Variants in SMC4 observed in about 807,000 individuals in gnomAD.
SMC4 encodes the protein structural maintenance of chromosomes 4, also known as structural maintenance of chromosomes protein 4.
In SMC4, 87 loss-of-function variants were observed where a neutral mutation model predicts 145.6. That is an observed-to-expected ratio of 0.60 (90% CI 0.50 to 0.71). The LOEUF is 0.71. Among genes scored for constraint, SMC4 ranks in the 30% least tolerant of loss-of-function variants. The pLI, the probability that SMC4 is intolerant of heterozygous loss-of-function variation, is 0.00. For missense variants in SMC4, 1,447 were observed against 1,537.1 expected, an observed-to-expected ratio of 0.94 and a Z score of 0.98; for synonymous variants, 558 against 500.7, an observed-to-expected ratio of 1.11 and a Z score of -1.53.
At chr3:160,411,421 G>T (rs994969690) in intron 5 of SMC4, among the ~76,000 whole-genome samples, 11 of 152,170 alleles carry the variant, frequency 7.2e-5, no homozygotes, top group Admixed American at 4.6e-4. Context: ...TGTTTGTAGA[G>T]AAAGTTGGTA....
chr3:160,413,654 TG>T (rs1553772235), intron 8 of SMC4, 41 bp downstream of exon 8: 6 of 1,057,368 alleles, frequency 5.7e-6, no homozygotes, highest in Non-Finnish European at 8.1e-6. Flanking sequence ...TTTAGATAAT[TG>T]TATTACATGT....
intron 21 of SMC4, 41 bp from the exon 22 acceptor site, chr3:160,432,242 A>G: frequency 7.2e-7 from 1 of 1,384,516 alleles, no homozygotes; most frequent in Non-Finnish European, 1.0e-6. Context: ...ATCATATCAA[A>G]TTTATCTGAA....
chr3:160,424,535 G>A (rs1456183270), intron 15 of SMC4, among the ~76,000 whole-genome samples: 7 of 152,146 alleles, frequency 4.6e-5, no homozygotes, highest in Non-Finnish European at 7.3e-5. Flanking sequence ...TAGGCTGGGC[G>A]CGGTGGCTCA....
intron 5 of SMC4, 100 bp downstream of exon 5, chr3:160,404,604 C>A: frequency 9.8e-7 from 1 of 1,023,970 alleles, no homozygotes; most frequent in Non-Finnish European, 1.6e-6. Context: ...CCTTAAAGTA[C>A]TGTAGCAGCA....
At chr3:160,416,229 A>G (rs560944354) in intron 9 of SMC4, 22 bp from the exon 10 acceptor site, 4 of 1,546,282 alleles carry the variant, frequency 2.6e-6, no homozygotes, top group East Asian at 2.3e-5. Flanking sequence ...GTATGCTCCT[A>G]TAACTTGTTT....
chr3:160,403,553 T>A (rs906653126), intron 4 of SMC4, among the ~76,000 whole-genome samples: 2 of 152,134 alleles, frequency 1.3e-5, no homozygotes, highest in Non-Finnish European at 2.9e-5. Flanking sequence ...GTCTTTTGAA[T>A]TCGTTTTCCT....
Position 160,424,739 on chromosome 3 carries a change from G to A in SMC4, c.2326-128G>A. On this transcript the variant is annotated intron_variant, in intron 15 of 23. Coordinates refer to ENST00000357388, the MANE Select transcript of SMC4 (RefSeq NM_001002800.3). ...GCAGGAGAATCGCTTGAACCCGGGA[G>A]GCGGAGGTTGCAGTGAGCTGAGACC... 6.6e-6 allele frequency: 6 copies of A among 914,158 alleles called. No homozygotes were observed. In the South Asian group the frequency reaches 7.5e-5, roughly 11 times the overall value. The allele number at this position is 914,158 out of a possible 1,614,324, so 56.6% of individuals were successfully genotyped here.
At chr3:160,404,063 T>G in intron 4 of SMC4, 1 of 355,226 alleles carries the variant, frequency 2.8e-6, no homozygotes, top group Non-Finnish European at 5.1e-6. Context: ...TTTTTAGGCT[T>G]GTTTGGAGGT....
At position 160,430,659 on chromosome 3, in the gene SMC4, G is replaced by GA; in HGVS notation, c.2859dup (p.Glu954ArgfsTer4). ...CAGAGAAAGAAATAAAAGATACTGA[G>GA]AAAGAGGTGGATGACCTAACAGCAG... On this transcript the variant is annotated frameshift_variant, in exon 19 of 24. Coordinates refer to ENST00000357388, the MANE Select transcript of SMC4 (RefSeq NM_001002800.3). LOFTEE classifies it high-confidence loss of function. 1 of 1,613,678 alleles carries GA rather than the reference G, an allele frequency of 6.2e-7. No homozygotes were observed. The highest frequency in any genetic ancestry group is 8.5e-7 in the Non-Finnish European group (1 of 1,179,802).
intron 5 of SMC4, among the ~76,000 whole-genome samples, chr3:160,410,678 A>G (rs999270468): frequency 2.0e-5 from 3 of 152,170 alleles, no homozygotes; most frequent in African/African-American, 4.8e-5. Context: ...ATTATTTCTT[A>G]ATGAGTAGAT....
At chr3:160,403,859 TTTAAA>T (rs1007214283) in intron 4 of SMC4, 5 of 152,038 alleles carry the variant, frequency 3.3e-5, no homozygotes, top group African/African-American at 1.2e-4. Flanking sequence ...TTCTTTTTAC[TTTAAA>T]TTAACGGCAC....
chr3:160,420,638 A>G, intron 12 of SMC4, 102 bp from the exon 13 acceptor site: 1 of 1,189,710 alleles, frequency 8.4e-7, no homozygotes, highest in Non-Finnish European at 1.2e-6. Flanking sequence ...AACCATGTCT[A>G]CATAAAGTTT....
intron 18 of SMC4, among the ~76,000 whole-genome samples, chr3:160,429,204 A>G (rs1164102639): frequency 6.6e-6 from 1 of 152,164 alleles, no homozygotes; most frequent in Non-Finnish European, 1.5e-5. Context: ...AGGGCATAGA[A>G]ATCAGTTTTG....
At chr3:160,412,610 C>T in intron 7 of SMC4, 157 bp downstream of exon 7, 1 of 1,256,790 alleles carries the variant, frequency 8.0e-7, no homozygotes, top group South Asian at 1.8e-5. Flanking sequence ...GCCTGTAATT[C>T]CAGCACTTTG....
rs1436609717 is a variant in SMC4, at chr3:160,434,827, G to T, written c.*1018G>T. The T allele has an allele frequency of 1.3e-5, 2 of 152,034 alleles. No homozygotes were observed. The highest frequency in any genetic ancestry group is 1.9e-4 in the East Asian group (1 of 5,186). 9.4% of individuals were successfully genotyped at this position (152,034 alleles called of 1,614,324 possible). A position where few individuals can be genotyped will look rare whatever the true frequency, so the allele number is the denominator to read the frequency against. On this transcript the variant is annotated 3_prime_UTR_variant, in exon 24 of 24. Coordinates refer to ENST00000357388, the MANE Select transcript of SMC4 (RefSeq NM_001002800.3). ...TAAGGAATTAATTAAAGAGTTAATT[G>T]TTCCTTTCTTCAGTGGGCCATTGTT...
intron 22 of SMC4, chr3:160,432,801 T>C: frequency 1.8e-6 from 1 of 546,518 alleles, no homozygotes; most frequent in South Asian, 2.8e-5. Flanking sequence ...GCAAGAAGTA[T>C]AATACTTAGC....
intron 1 of SMC4, chr3:160,400,134 C>T (rs764032095): frequency 3.9e-5 from 6 of 152,418 alleles, no homozygotes; most frequent in Non-Finnish European, 7.3e-5. Flanking sequence ...CAACGGGACT[C>T]CGCCTGGGGA....
chr3:160,430,248 G>C lies in SMC4; in HGVS notation c.2796-351G>C, dbSNP rs574361971. Among the ~76,000 whole-genome samples the C allele has an allele frequency of 1.2e-4, 18 of 152,168 alleles. No homozygotes were observed. In the South Asian group the frequency reaches 3.5e-3, roughly 30 times the overall value. The stretch of plus-strand genomic sequence containing the variant: ...TACTTGTTGCCTTGTCTTGAATTGG[G>C]AAGTATTTGAAGGTACAACTTTATG... On this transcript the variant is annotated intron_variant, in intron 18 of 23. Transcript: ENST00000357388.
intron 1 of SMC4, 143 bp from the exon 2 acceptor site, chr3:160,400,679 C>T (rs1261382794): frequency 5.6e-6 from 6 of 1,075,712 alleles, no homozygotes; most frequent in Non-Finnish European, 7.4e-6. Flanking sequence ...CTTTCGATGG[C>T]TCCCTTCCCG....
Sources: allele counts gnomAD v4.1 joint callset (sites outside exome capture counted in the v4.1 genomes callset), GRCh38; gene constraint gnomAD v4.1.1; transcripts MANE v1.5; gene names NCBI Gene and HGNC (gene_info 2026-07-23, HGNC 2026-07-21).